KAT6B: variants seen among roughly 807,000 people sequenced by gnomAD.
KAT6B encodes lysine acetyltransferase 6B.
A neutral mutation model predicts 187.5 loss-of-function variants in KAT6B; 10 were observed. The observed-to-expected ratio is 0.05, with a 90% CI of 0.03 to 0.09. KAT6B has a LOEUF of 0.09. Ranked by LOEUF, KAT6B falls within the 10% of genes least tolerant of loss-of-function variation. The pLI is 1.00. For synonymous variants in KAT6B, 861 were observed against 926.8 expected (o/e 0.93, Z 1.29); for missense variants, 1,952 against 2,558.9 (o/e 0.76, Z 5.12).
At chr10:74,867,312 T>A (rs1843624001) in intron 3 of KAT6B, among the ~76,000 whole-genome samples, 3 of 152,208 alleles carry the variant, frequency 2.0e-5, no homozygotes. Flanking sequence ...GCTATATATA[T>A]TTTTTCTTTC....
chr10:74,883,175 C>A (rs770117762), intron 3 of KAT6B, among the ~76,000 whole-genome samples: 5 of 152,064 alleles, frequency 3.3e-5, no homozygotes, highest in Non-Finnish European at 7.4e-5. Context: ...CTTCCCTTAC[C>A]TTGATGAAAT....
chr10:74,929,058 T>C (rs1472218893), intron 3 of KAT6B, among the ~76,000 whole-genome samples: 2 of 152,236 alleles, frequency 1.3e-5, no homozygotes, highest in Non-Finnish European at 2.9e-5. Flanking sequence ...TTTTGGGCTT[T>C]GTACTGGGAA....
At chr10:74,908,454 G>T (rs1009503544) in intron 3 of KAT6B, among the ~76,000 whole-genome samples, 1 of 151,560 alleles carries the variant, frequency 6.6e-6, no homozygotes, top group Non-Finnish European at 1.5e-5. Context: ...CCAGCTACTC[G>T]GGAGGCTGAT....
chr10:75,002,955 G>A (rs753791552), intron 13 of KAT6B: 6 of 152,204 alleles, frequency 3.9e-5, no homozygotes, highest in Non-Finnish European at 7.3e-5. Flanking sequence ...AATTAATTAT[G>A]ACGGGAAGAA....
rs369993701 is a variant in KAT6B, at chr10:74,902,435, C to A, written c.622-57535C>A. On this transcript the variant is annotated intron_variant, in intron 3 of 17. Coordinates refer to ENST00000287239, the MANE Select transcript of KAT6B (RefSeq NM_012330.4). The stretch of plus-strand genomic sequence containing the variant: ...TACCATGATTTGCCCAATATAAATG[C>A]GTGTAGATATATATTTTCTGGTTCT... Among the ~76,000 whole-genome samples the A allele has an allele frequency of 2.6e-5, 4 of 152,110 alleles. No homozygotes were observed. In the South Asian group the frequency reaches 6.2e-4, roughly 24 times the overall value.
intron 1 of KAT6B, among the ~76,000 whole-genome samples, chr10:74,834,723 T>C (rs1039252013): frequency 2.0e-5 from 3 of 152,026 alleles, no homozygotes; most frequent in Non-Finnish European, 2.9e-5. Flanking sequence ...TCTTGTTGTG[T>C]TGCCTAGGCT....
chr10:74,992,158 A>G (rs979961885), intron 13 of KAT6B, among the ~76,000 whole-genome samples: 3 of 152,158 alleles, frequency 2.0e-5, no homozygotes, highest in Non-Finnish European at 4.4e-5. Flanking sequence ...ATTTTCAGTA[A>G]GTCAAATGAG....
chr10:74,836,496 G>T (rs1174217045), intron 1 of KAT6B, among the ~76,000 whole-genome samples: 1 of 152,182 alleles, frequency 6.6e-6, no homozygotes, highest in Non-Finnish European at 1.5e-5. Context: ...GGGAGCATCA[G>T]CTCGCTAAAT....
At chr10:74,909,339 C>A (rs1847026221) in intron 3 of KAT6B, among the ~76,000 whole-genome samples, 1 of 152,178 alleles carries the variant, frequency 6.6e-6, no homozygotes, top group Non-Finnish European at 1.5e-5. Context: ...TCATTGTACT[C>A]CAGCCTGGGA....
chr10:74,843,588 A>G, intron 3 of KAT6B, 110 bp downstream of exon 3: 1 of 1,386,556 alleles, frequency 7.2e-7, no homozygotes, highest in Non-Finnish European at 1.0e-6. Flanking sequence ...GATAAAATTG[A>G]ATGTTTTGCC....
In KAT6B at chr10:75,030,667, A is replaced by G; in HGVS notation, c.5843A>G (p.Gln1948Arg). ...THQSQIYGRS[Q>R]TVAMQGPART... ...CAGTCACAAATCTATGGGCGCTCCC[A>G]GACTGTAGCCATGCAGGGTCCTGCA... Residue 1948 changes from glutamine to arginine, a missense_variant, in exon 18 of 18, where the codon CAG (glutamine) becomes CGG (arginine). Gln to Arg is a conservative substitution (Grantham distance 43). This residue lies in a region of KAT6B where 358 missense variants were observed against 436.3 expected (regional missense o/e 0.82). Coordinates refer to ENST00000287239, the MANE Select transcript of KAT6B (RefSeq NM_012330.4). The surrounding 1 kb of genome is among the most constrained non-coding windows in gnomAD (Gnocchi z 4.8). 1.2e-6 allele frequency: 2 copies of G among 1,614,266 alleles called. No homozygotes were observed. The highest frequency in any genetic ancestry group is 1.7e-6 in the Non-Finnish European group (2 of 1,180,044).
chr10:74,972,443 A>C, intron 6 of KAT6B, 64 bp from the exon 7 acceptor site: 2 of 1,233,194 alleles, frequency 1.6e-6, no homozygotes, highest in Non-Finnish European at 2.3e-6. Flanking sequence ...GCTACAACTT[A>C]TATTTAATAT....
chr10:74,937,164 T>G (rs1368678159), intron 3 of KAT6B, among the ~76,000 whole-genome samples: 1 of 152,226 alleles, frequency 6.6e-6, no homozygotes, highest in Non-Finnish European at 1.5e-5. Context: ...ATCGGGTTAC[T>G]CCACAGGGCT....
intron 3 of KAT6B, among the ~76,000 whole-genome samples, chr10:74,904,594 A>G (rs1846626451): frequency 1.3e-5 from 2 of 152,114 alleles, no homozygotes; most frequent in Non-Finnish European, 2.9e-5. Flanking sequence ...CTGCTCCCAC[A>G]CTTGCTTTCC....
chr10:74,843,248 A>C lies in KAT6B; in HGVS notation c.391A>C (p.Lys131Gln). Reference protein sequence around the residue: ...PNGSSLKNIEKYLRSQSDLTS... With the variant: ...PNGSSLKNIEQYLRSQSDLTS... ...TGGCTCCTCCCTGAAGAACATAGAG[A>C]AGTATCTCAGAAGTCAAAGTGATCT... The change falls in exon 3 of 18, where the codon AAG becomes CAG. Residue 131 changes from lysine (K) to glutamine (Q), a missense_variant. Physicochemically the swap from Lys to Gln is moderately conservative, Grantham distance 53. This residue lies in a region of KAT6B where 218 missense variants were observed against 282.6 expected (regional missense o/e 0.77). Transcript: ENST00000287239. 1 of 1,614,174 alleles carries C rather than the reference A, an allele frequency of 6.2e-7. No homozygotes were observed. Among genetic ancestry groups the C allele is most frequent in the Non-Finnish European group, 8.5e-7 (1 of 1,180,020 alleles).
At chr10:74,905,945 C>T (rs1320239739) in intron 3 of KAT6B, among the ~76,000 whole-genome samples, 1 of 151,962 alleles carries the variant, frequency 6.6e-6, no homozygotes, top group Non-Finnish European at 1.5e-5. Flanking sequence ...TCTCACATTT[C>T]GGCTGAGGTG....
chr10:74,836,365 T>C (rs1406271862), intron 1 of KAT6B, among the ~76,000 whole-genome samples: 1 of 152,232 alleles, frequency 6.6e-6, no homozygotes, highest in Non-Finnish European at 1.5e-5. Flanking sequence ...ATGGTAATTC[T>C]GTGTTTAACT....
At chr10:74,884,697 T>C (rs575047629) in intron 3 of KAT6B, among the ~76,000 whole-genome samples, 12 of 152,192 alleles carry the variant, frequency 7.9e-5, no homozygotes, top group African/African-American at 2.6e-4. Flanking sequence ...GCCTCCCAGG[T>C]AGCTGGGATT....
At chr10:74,884,695 G>C (rs1313010286) in intron 3 of KAT6B, among the ~76,000 whole-genome samples, 1 of 151,870 alleles carries the variant, frequency 6.6e-6, no homozygotes, top group Non-Finnish European at 1.5e-5. Flanking sequence ...CAGCCTCCCA[G>C]GTAGCTGGGA....
Sources: gnomAD v4.1 joint callset for allele counts (sites outside exome capture counted in the v4.1 genomes callset) on GRCh38, gnomAD v4.1.1 for gene constraint, gnomAD v4.1.1 regional missense constraint, Gnocchi (gnomAD v3.1) non-coding constraint, MANE v1.5 for transcripts, NCBI Gene and HGNC (gene_info 2026-07-23, HGNC 2026-07-21) for gene names.